MARCHF3: variants seen among roughly 807,000 people sequenced by gnomAD.
MARCHF3 encodes E3 ubiquitin-protein ligase MARCHF3.
MARCHF3 carries 13 observed loss-of-function variants against 24.2 expected under a neutral mutation model. The ratio of observed to expected loss-of-function variants is 0.54; its 90% CI spans 0.35 to 0.85. The LOEUF (loss-of-function observed/expected upper bound fraction) is 0.85. Ranked by LOEUF, MARCHF3 falls within the 40% of genes least tolerant of loss-of-function variation. The probability of loss-of-function intolerance (pLI) is 0.01; values close to 1 mark genes in which losing one functional copy is unlikely to be tolerated. For missense variants in MARCHF3, 276 were observed against 325.0 expected (o/e 0.85, Z 1.16); for synonymous variants, 144 against 137.3 (o/e 1.05, Z -0.34).
At chr5:127,014,725 T>C (rs1337945839) in intron 1 of MARCHF3, among the ~76,000 whole-genome samples, 1 of 152,182 alleles carries the variant, frequency 6.6e-6, no homozygotes, top group Non-Finnish European at 1.5e-5. Flanking sequence ...AAACACCATA[T>C]GTTCTCACTC....
At chr5:127,008,831 A>C (rs1194329330) in intron 1 of MARCHF3, among the ~76,000 whole-genome samples, 1 of 150,998 alleles carries the variant, frequency 6.6e-6, no homozygotes, top group Non-Finnish European at 1.5e-5. Context: ...CTATTTTAAG[A>C]GTCTGAAAGG....
intron 1 of MARCHF3, among the ~76,000 whole-genome samples, chr5:126,999,420 G>A (rs1484487403): frequency 6.6e-6 from 1 of 152,146 alleles, no homozygotes; most frequent in Non-Finnish European, 1.5e-5. Context: ...GCAAAGACCT[G>A]GATGGCTTGA....
chr5:126,985,474 T>TA (rs1025975340), intron 1 of MARCHF3, among the ~76,000 whole-genome samples: 2 of 149,420 alleles, frequency 1.3e-5, no homozygotes, highest in East Asian at 2.0e-4. Context: ...AACTTTTATT[T>TA]TTTTTTTTTT....
chr5:127,024,416 C>T (rs1257656347), intron 1 of MARCHF3, among the ~76,000 whole-genome samples: 2 of 152,128 alleles, frequency 1.3e-5, no homozygotes, highest in African/African-American at 4.8e-5. Flanking sequence ...AAAGTGTGGT[C>T]CCTTGCCTCA....
At chr5:126,883,508 T>A (rs1452434236) in intron 3 of MARCHF3, among the ~76,000 whole-genome samples, 3 of 152,176 alleles carry the variant, frequency 2.0e-5, no homozygotes, top group African/African-American at 7.2e-5. Flanking sequence ...AACCCCACCG[T>A]AATCAGCACT....
chr5:126,902,111 T>C (rs575422891), intron 3 of MARCHF3, among the ~76,000 whole-genome samples: 2 of 152,250 alleles, frequency 1.3e-5, no homozygotes, highest in East Asian at 3.9e-4. Context: ...TAACTTCCTC[T>C]TATTCTTGGT....
chr5:126,968,720 G>A (rs973974653), intron 1 of MARCHF3, among the ~76,000 whole-genome samples: 1 of 151,968 alleles, frequency 6.6e-6, no homozygotes, highest in Non-Finnish European at 1.5e-5. Flanking sequence ...GATTACAGGT[G>A]TACCCCAGCA....
chr5:127,012,938 T>C (rs544084807), intron 1 of MARCHF3, among the ~76,000 whole-genome samples: 1 of 152,338 alleles, frequency 6.6e-6, no homozygotes, highest in Non-Finnish European at 1.5e-5. Context: ...GAATAACTCA[T>C]TCCATGTCAC....
chr5:126,979,948 CAAAAAAAAAA>C (rs757849978), intron 1 of MARCHF3, among the ~76,000 whole-genome samples: 5 of 44,906 alleles, frequency 1.1e-4, no homozygotes, highest in East Asian at 6.8e-4. Flanking sequence ...AACTCCATCT[CAAAAAAAAAA>C]AAAAAAAAAA....
intron 3 of MARCHF3, among the ~76,000 whole-genome samples, chr5:126,880,418 G>A (rs932304241): frequency 2.6e-5 from 4 of 152,172 alleles, no homozygotes; most frequent in African/African-American, 9.7e-5. Context: ...ACCAAAATAA[G>A]TGCAAATGAT....
At chr5:126,875,862 C>A (rs1323143628) in intron 4 of MARCHF3, among the ~76,000 whole-genome samples, 1 of 152,162 alleles carries the variant, frequency 6.6e-6, no homozygotes, top group African/African-American at 2.4e-5. Context: ...ATTGACCTAG[C>A]GGTTATCAAT....
intron 3 of MARCHF3, among the ~76,000 whole-genome samples, chr5:126,905,694 A>T (rs1356886400): frequency 6.6e-6 from 1 of 151,990 alleles, no homozygotes. Context: ...GAAGTTGCTT[A>T]TCAGCTTAAG....
chr5:126,932,871 G>C (rs1181739295), intron 1 of MARCHF3, among the ~76,000 whole-genome samples: 2 of 152,174 alleles, frequency 1.3e-5, no homozygotes, highest in African/African-American at 4.8e-5. Flanking sequence ...TACAGATACA[G>C]AGGAATGAAT....
At chr5:126,883,465 T>C (rs1026700032) in intron 3 of MARCHF3, among the ~76,000 whole-genome samples, 7 of 152,174 alleles carry the variant, frequency 4.6e-5, no homozygotes, top group African/African-American at 1.4e-4. Flanking sequence ...TGATCAATTC[T>C]TGGAAATAAG....
At chr5:126,951,472 A>G (rs1378417721) in intron 1 of MARCHF3, among the ~76,000 whole-genome samples, 1 of 152,212 alleles carries the variant, frequency 6.6e-6, no homozygotes, top group Non-Finnish European at 1.5e-5. Flanking sequence ...TCTCAAATTT[A>G]ACATGTTAAA....
At chr5:126,942,899 A>C (rs1749881311) in intron 1 of MARCHF3, among the ~76,000 whole-genome samples, 1 of 152,258 alleles carries the variant, frequency 6.6e-6, no homozygotes, top group Admixed American at 6.5e-5. Flanking sequence ...ACTGTTGGCA[A>C]GGTTTTCTTT....
At chr5:126,975,941 A>T (rs1470550533) in intron 1 of MARCHF3, among the ~76,000 whole-genome samples, 2 of 152,196 alleles carry the variant, frequency 1.3e-5, no homozygotes, top group Non-Finnish European at 2.9e-5. Context: ...GCCTGTGCCA[A>T]TGCCTCTTTG....
chr5:126,942,531 T>A (rs1749863487), intron 1 of MARCHF3, among the ~76,000 whole-genome samples: 1 of 151,896 alleles, frequency 6.6e-6, no homozygotes, highest in Admixed American at 6.6e-5. Context: ...TCTAAAACAA[T>A]AAATATTGAT....
chr5:126,998,496 A>G (rs527502061), intron 1 of MARCHF3, among the ~76,000 whole-genome samples: 12 of 152,128 alleles, frequency 7.9e-5, no homozygotes, highest in Non-Finnish European at 1.8e-4. Context: ...CTTGGCTCTC[A>G]GCAAACCCCA....
Sources: gnomAD v4.1 joint callset for allele counts (sites outside exome capture counted in the v4.1 genomes callset) on GRCh38, gnomAD v4.1.1 for gene constraint, MANE v1.5 for transcripts, NCBI Gene and HGNC (gene_info 2026-07-23, HGNC 2026-07-21) for gene names.